The following FAM107B variants were observed in gnomAD, a reference collection of about 807,000 sequenced individuals.
FAM107B encodes the protein family with sequence similarity 107 member B.
Under a neutral mutation model 31.5 loss-of-function variants are expected in FAM107B, and 21 were observed. The observed-to-expected ratio is 0.67, with a 90% confidence interval of 0.47 to 0.96. The LOEUF (loss-of-function observed/expected upper bound fraction) is 0.96. Ranked by LOEUF, FAM107B falls within the 40% of genes least tolerant of loss-of-function variation. FAM107B has a pLI of 0.00. For missense variants in FAM107B, 452 were observed against 377.1 expected (o/e 1.20, Z -1.64); for synonymous variants, 157 against 141.5 (o/e 1.11, Z -0.78).
intron 2 of FAM107B, among the ~76,000 whole-genome samples, chr10:14,666,105 T>C (rs1352746173): frequency 6.6e-6 from 1 of 152,214 alleles, no homozygotes; most frequent in Non-Finnish European, 1.5e-5. Flanking sequence ...TAAACAAGAC[T>C]GGTAATGTCC....
At chr10:14,525,951 C>G (rs575372005) in intron 3 of FAM107B, among the ~76,000 whole-genome samples, 7 of 152,192 alleles carry the variant, frequency 4.6e-5, no homozygotes, top group Non-Finnish European at 7.4e-5. Flanking sequence ...TAAATACATT[C>G]AAGGGCAGAC....
intron 1 of FAM107B, among the ~76,000 whole-genome samples, chr10:14,671,490 C>T (rs1385384520): frequency 6.6e-6 from 1 of 152,118 alleles, no homozygotes; most frequent in Admixed American, 6.5e-5. Context: ...GCAAATGGCA[C>T]GAGCTTCCCG....
At chr10:14,546,255 G>A (rs1042134697) in intron 2 of FAM107B, among the ~76,000 whole-genome samples, 1 of 152,160 alleles carries the variant, frequency 6.6e-6, no homozygotes, top group African/African-American at 2.4e-5. Context: ...GGCAAAGCTC[G>A]GACTAGGACC....
intron 2 of FAM107B, among the ~76,000 whole-genome samples, chr10:14,657,428 G>T (rs1854090685): frequency 6.6e-6 from 1 of 152,134 alleles, no homozygotes; most frequent in South Asian, 2.1e-4. Context: ...GGCAGGCCAG[G>T]AAGTCTCGTT....
chr10:14,539,582 A>G (rs1015740496), intron 2 of FAM107B, among the ~76,000 whole-genome samples: 11 of 152,366 alleles, frequency 7.2e-5, no homozygotes, highest in African/African-American at 2.6e-4. Context: ...AAATACAGAG[A>G]GAAAATGAAA....
chr10:14,580,499 A>G (rs1409898780), intron 2 of FAM107B, among the ~76,000 whole-genome samples: 1 of 152,154 alleles, frequency 6.6e-6, no homozygotes, highest in African/African-American at 2.4e-5. Context: ...ATAAAAAGGT[A>G]CATACTATAC....
At chr10:14,685,775 A>T (rs1471892479) in intron 1 of FAM107B, among the ~76,000 whole-genome samples, 4 of 152,202 alleles carry the variant, frequency 2.6e-5, no homozygotes, top group Non-Finnish European at 5.9e-5. Flanking sequence ...CCTCTCTATC[A>T]GTCTGTTCTC....
chr10:14,763,290 G>C (rs1833094382), intron 1 of FAM107B, among the ~76,000 whole-genome samples: 1 of 152,154 alleles, frequency 6.6e-6, no homozygotes, highest in Non-Finnish European at 1.5e-5. Flanking sequence ...TAAAAGGACA[G>C]ATTCTGGTGA....
At chr10:14,553,014 C>T (rs1279716902) in intron 2 of FAM107B, among the ~76,000 whole-genome samples, 2 of 152,216 alleles carry the variant, frequency 1.3e-5, no homozygotes, top group Non-Finnish European at 2.9e-5. Flanking sequence ...CAGCAATGTA[C>T]ATTGGATGAG....
At chr10:14,758,387 G>A (rs1218867154) in intron 1 of FAM107B, among the ~76,000 whole-genome samples, 2 of 152,092 alleles carry the variant, frequency 1.3e-5, no homozygotes, top group Non-Finnish European at 2.9e-5. Context: ...ACAAATCCTC[G>A]GTCTCCATGA....
At chr10:14,689,394 A>AAAAAAAAAAAAAG (rs35012251) in intron 1 of FAM107B, among the ~76,000 whole-genome samples, 8 of 150,598 alleles carry the variant, frequency 5.3e-5, no homozygotes, top group African/African-American at 1.9e-4. Flanking sequence ...AAAAAAAAAA[A>AAAAAAAAAAAAAG]GAATAAAAAT....
chr10:14,700,318 G>A (rs952974799), intron 1 of FAM107B, among the ~76,000 whole-genome samples: 1 of 152,194 alleles, frequency 6.6e-6, no homozygotes, highest in Non-Finnish European at 1.5e-5. Flanking sequence ...AGCCAGGAGA[G>A]AGTCAGCAAA....
chr10:14,681,553 G>T (rs1011887215), intron 1 of FAM107B, among the ~76,000 whole-genome samples: 12 of 152,040 alleles, frequency 7.9e-5, no homozygotes, highest in African/African-American at 2.9e-4. Flanking sequence ...ATCTTGGGTC[G>T]CATACTTGCC....
At chr10:14,727,761 A>G (rs1245835115) in intron 1 of FAM107B, among the ~76,000 whole-genome samples, 2 of 152,210 alleles carry the variant, frequency 1.3e-5, no homozygotes, top group African/African-American at 2.4e-5. Context: ...AACCCACACT[A>G]AAACAAGACA....
chr10:14,560,983 TA>T (rs1850192223), intron 2 of FAM107B, among the ~76,000 whole-genome samples: 1 of 152,234 alleles, frequency 6.6e-6, no homozygotes, highest in African/African-American at 2.4e-5. Flanking sequence ...TTTTGTTCCC[TA>T]CACATCTGTC....
At chr10:14,577,429 G>A (rs745707924) in intron 2 of FAM107B, among the ~76,000 whole-genome samples, 2 of 152,134 alleles carry the variant, frequency 1.3e-5, no homozygotes, top group African/African-American at 4.8e-5. Context: ...AGCTTCACGT[G>A]AATCTTTAAA....
At chr10:14,746,693 G>A (rs1416126500) in intron 1 of FAM107B, among the ~76,000 whole-genome samples, 1 of 152,176 alleles carries the variant, frequency 6.6e-6, no homozygotes, top group Non-Finnish European at 1.5e-5. Context: ...CCCTTTGTAG[G>A]TGACCTGACC....
At chr10:14,626,495 G>A (rs533897163) in intron 2 of FAM107B, among the ~76,000 whole-genome samples, 3 of 137,048 alleles carry the variant, frequency 2.2e-5, no homozygotes, top group South Asian at 2.3e-4. Flanking sequence ...AATTTGAGGC[G>A]GATCTTTTTT....
intron 1 of FAM107B, among the ~76,000 whole-genome samples, chr10:14,758,538 A>G (rs986185341): frequency 6.6e-5 from 10 of 152,080 alleles, no homozygotes; most frequent in African/African-American, 4.8e-5. Flanking sequence ...GTAACTTTTT[A>G]AAAACTCCCC....
Sources: allele counts gnomAD v4.1 joint callset (sites outside exome capture counted in the v4.1 genomes callset), GRCh38; gene constraint gnomAD v4.1.1; transcripts MANE v1.5; gene names NCBI Gene and HGNC (gene_info 2026-07-23, HGNC 2026-07-21).